The following ARFIP1 variants were observed in gnomAD, a reference collection of about 807,000 sequenced individuals.
ARFIP1 encodes ARF interacting protein 1.
Under a neutral mutation model 42.5 loss-of-function variants are expected in ARFIP1, and 24 were observed. That is an observed-to-expected ratio of 0.57 (90% CI 0.41 to 0.80). ARFIP1 has a LOEUF of 0.80. Among genes scored for constraint, ARFIP1 ranks in the 30% least tolerant of loss-of-function variants. The pLI is 0.00. For missense variants in ARFIP1, 354 were observed against 434.0 expected (o/e 0.82, Z 1.64); for synonymous variants, 141 against 153.7 (o/e 0.92, Z 0.61).
intron 3 of ARFIP1, among the ~76,000 whole-genome samples, chr4:152,865,174 G>A (rs1734226004): frequency 2.0e-5 from 3 of 151,472 alleles, no homozygotes; most frequent in Admixed American, 1.3e-4. Flanking sequence ...GTCTCACTCT[G>A]TTGCCCAGGC....
At chr4:152,794,762 G>A (rs570308762) in intron 1 of ARFIP1, among the ~76,000 whole-genome samples, 3 of 152,148 alleles carry the variant, frequency 2.0e-5, no homozygotes, top group South Asian at 4.2e-4. Flanking sequence ...AAGAGTTGTC[G>A]CTTTTCCTCC....
chr4:152,812,253 G>A (rs988965448), intron 1 of ARFIP1, among the ~76,000 whole-genome samples: 5 of 152,204 alleles, frequency 3.3e-5, no homozygotes, highest in Non-Finnish European at 7.3e-5. Context: ...GGAGTGCAGT[G>A]GCACGATCAT....
chr4:152,905,127 C>T (rs1738200594), intron 8 of ARFIP1, among the ~76,000 whole-genome samples: 1 of 152,154 alleles, frequency 6.6e-6, no homozygotes, highest in African/African-American at 2.4e-5. Context: ...TGGGTTGTTT[C>T]AGTTTTAAGC....
intron 1 of ARFIP1, among the ~76,000 whole-genome samples, chr4:152,786,203 T>G (rs893587755): frequency 1.3e-5 from 2 of 152,260 alleles, no homozygotes; most frequent in Non-Finnish European, 2.9e-5. Flanking sequence ...TCAGCTTCAT[T>G]AAGGGCATGA....
At chr4:152,811,090 CTTT>C (rs5863021) in intron 1 of ARFIP1, among the ~76,000 whole-genome samples, 13 of 74,388 alleles carry the variant, frequency 1.7e-4, no homozygotes, top group South Asian at 5.4e-4. Flanking sequence ...AAGGTTAAGC[CTTT>C]TTTTTTTTTT....
intron 8 of ARFIP1, among the ~76,000 whole-genome samples, chr4:152,908,174 T>A (rs1183688458): frequency 2.0e-5 from 3 of 152,248 alleles, no homozygotes; most frequent in Non-Finnish European, 4.4e-5. Context: ...TGTTATTTGC[T>A]CTTTTTTAAT....
chr4:152,908,609 CA>C (rs988445950), intron 8 of ARFIP1, among the ~76,000 whole-genome samples: 2 of 149,278 alleles, frequency 1.3e-5, no homozygotes, highest in East Asian at 1.9e-4. Context: ...AACTCCATCT[CA>C]AAAAAAAAGA....
At chr4:152,813,018 C>G (rs528334909) in intron 1 of ARFIP1, among the ~76,000 whole-genome samples, 2 of 152,318 alleles carry the variant, frequency 1.3e-5, no homozygotes, top group South Asian at 4.1e-4. Flanking sequence ...TTCCTTCAGT[C>G]TAGCCTCCCA....
intron 1 of ARFIP1, among the ~76,000 whole-genome samples, chr4:152,786,251 C>T (rs1030806829): frequency 2.0e-5 from 3 of 152,196 alleles, no homozygotes; most frequent in African/African-American, 7.2e-5. Flanking sequence ...ATCTGTATGT[C>T]TTGCTGTCTT....
chr4:152,795,143 TG>T (rs776185805), intron 1 of ARFIP1, among the ~76,000 whole-genome samples: 12 of 151,910 alleles, frequency 7.9e-5, no homozygotes, highest in Admixed American at 3.3e-4. Flanking sequence ...CTTTAGTTTC[TG>T]GTTTATCCTT....
At chr4:152,882,593 G>GA (rs1447430284) in intron 6 of ARFIP1, 130 bp from the exon 7 acceptor site, 2 of 986,124 alleles carry the variant, frequency 2.0e-6, no homozygotes, top group Non-Finnish European at 2.9e-6. Context: ...AGACGGAAAG[G>GA]AAAAGTAAAA....
At chr4:152,903,911 C>T (rs1738061273) in intron 8 of ARFIP1, among the ~76,000 whole-genome samples, 1 of 152,194 alleles carries the variant, frequency 6.6e-6, no homozygotes, top group South Asian at 2.1e-4. Flanking sequence ...GGATGCCCTT[C>T]CCACTTTCTT....
chr4:152,841,886 C>T (rs960995348), intron 2 of ARFIP1, among the ~76,000 whole-genome samples: 13 of 152,084 alleles, frequency 8.5e-5, no homozygotes, highest in African/African-American at 2.7e-4. Flanking sequence ...CGAAGGCACC[C>T]GTCTCGAGGA....
At chr4:152,806,959 C>G (rs1269368669) in intron 1 of ARFIP1, among the ~76,000 whole-genome samples, 1 of 152,068 alleles carries the variant, frequency 6.6e-6, no homozygotes, top group Non-Finnish European at 1.5e-5. Context: ...CCACCTCAAC[C>G]TGCTGAGTAG....
At chr4:152,887,141 G>A (rs1579010181) in intron 7 of ARFIP1, among the ~76,000 whole-genome samples, 1 of 151,950 alleles carries the variant, frequency 6.6e-6, no homozygotes, top group African/African-American at 2.4e-5. Flanking sequence ...TCTTTGCTGA[G>A]TACCGAATAG....
chr4:152,910,064 G>T lies in ARFIP1; in HGVS notation c.967G>T (p.Val323Phe). Residue 323 changes from valine to phenylalanine, a missense_variant and splice_region_variant, in exon 9 of 9, where the codon GTT (valine) becomes TTT (phenylalanine). Physicochemically the swap from Val to Phe is conservative, Grantham distance 50 (BLOSUM62 -1). Coordinates refer to ENST00000353617, the MANE Select transcript of ARFIP1 (RefSeq NM_001025595.3). ...VKLKFLEENK[V>F]KVLHNQLVLF... ...TCTTGTAACTCTGCCCTGTCCACAG[G>T]TTAAAGTATTGCACAATCAGCTGGT... 1 of 1,614,026 alleles carries T rather than the reference G, an allele frequency of 6.2e-7. No homozygotes were observed. The highest frequency in any genetic ancestry group is 8.5e-7 in the Non-Finnish European group (1 of 1,179,962).
chr4:152,835,168 T>TCTGCTC (rs1329998351), intron 2 of ARFIP1, among the ~76,000 whole-genome samples: 1 of 152,228 alleles, frequency 6.6e-6, no homozygotes, highest in Non-Finnish European at 1.5e-5. Flanking sequence ...TGCTCCACAG[T>TCTGCTC]CTGCTCGGAT....
At chr4:152,865,883 T>A (rs185538447) in intron 3 of ARFIP1, among the ~76,000 whole-genome samples, 103 of 152,234 alleles carry the variant, frequency 6.8e-4, no homozygotes, top group Non-Finnish European at 1.1e-3. Flanking sequence ...ATATATATAT[T>A]TTTTAATTGA....
intron 2 of ARFIP1, among the ~76,000 whole-genome samples, chr4:152,832,577 T>G (rs1309871484): frequency 6.6e-6 from 1 of 152,248 alleles, no homozygotes. Flanking sequence ...CAGAAGTTGT[T>G]AATTTTAATG....
Sources: allele counts gnomAD v4.1 joint callset (sites outside exome capture counted in the v4.1 genomes callset), GRCh38; gene constraint gnomAD v4.1.1; transcripts MANE v1.5; gene names NCBI Gene and HGNC (gene_info 2026-07-23, HGNC 2026-07-21).